Variants in MS4A13 observed in about 807,000 individuals in gnomAD.
The protein encoded by MS4A13 is membrane-spanning 4-domains subfamily A member 13.
MS4A13 carries 21 observed loss-of-function variants against 18.4 expected under a neutral mutation model. That is an observed-to-expected ratio of 1.14 (90% CI 0.81 to 1.64). The LOEUF is 1.64. MS4A13 is among the 40% of genes most tolerant of loss of function. The probability of loss-of-function intolerance (pLI) is 0.00; values close to 1 mark genes in which losing one functional copy is unlikely to be tolerated. For synonymous variants in MS4A13, 62 were observed against 57.2 expected (o/e 1.08, Z -0.38); for missense variants, 173 against 176.8 (o/e 0.98, Z 0.12).
In MS4A13 at chr11:60,523,965, T is replaced by G; in HGVS notation, c.186+12T>G. 6.8e-7 allele frequency: 1 copy of G among 1,478,116 alleles called. No individual in the cohort carries two copies. The highest frequency in any genetic ancestry group is 1.1e-5 in the South Asian group (1 of 87,260). The allele number at this position is 1,478,116 out of a possible 1,614,324, so 91.6% of individuals were successfully genotyped here. ...CGACTCGATCTGGAGTAAGTTGAAA[T>G]GTTTGAGGTATCTCTAGAAATCACT... On this transcript the variant is annotated intron_variant, in intron 4 of 6. Transcript: ENST00000378186.
chr11:60,527,386 CTCTCTCTCTCTCTCTCTCTCTCTCTG>C (rs1412441792), intron 5 of MS4A13, among the ~76,000 whole-genome samples: 4 of 125,048 alleles, frequency 3.2e-5, no homozygotes, highest in African/African-American at 1.4e-4. Flanking sequence ...CTCTCTCTCT[CTCTCTCTCTCTCTCTCTCTCTCTCTG>C]TGTGTGTGTG....
intron 3 of MS4A13, among the ~76,000 whole-genome samples, chr11:60,520,044 G>A (rs79400764): frequency 1.4e-3 from 220 of 152,256 alleles, no homozygotes; most frequent in African/African-American, 5.1e-3. Context: ...AGAACCACAA[G>A]CCCAAGGTAT....
chr11:60,534,985 GAC>G (rs2086796131), intron 6 of MS4A13, among the ~76,000 whole-genome samples: 1 of 14,032 alleles, frequency 7.1e-5, no homozygotes, highest in African/African-American at 2.8e-4. Context: ...CGAGAACAAA[GAC>G]ACCACATACC....
At chr11:60,543,137 G>C (rs2086874286), downstream of MS4A13, among the ~76,000 whole-genome samples, 1 of 151,744 alleles carries the variant, frequency 6.6e-6, no homozygotes, top group Non-Finnish European at 1.5e-5. Context: ...CTTTCCCCTT[G>C]CTTCTTTCTT....
chr11:60,521,150 G>A (rs918713625), intron 3 of MS4A13, among the ~76,000 whole-genome samples: 12 of 152,230 alleles, frequency 7.9e-5, no homozygotes, highest in Non-Finnish European at 1.5e-4. Context: ...GGGGCCCTGG[G>A]CCCGGCCCAT....
rs1162980039 is a variant in MS4A13, at chr11:60,522,197, C to CAGAT, written c.130-1659_130-1656dup. ...AGCCAAACCATATCAAAAGATCAGA[C>CAGAT]AGATAGATAGATAGATAGATAGATA... is the stretch of plus-strand genomic sequence containing the variant. On this transcript the variant is annotated intron_variant, in intron 3 of 6. Transcript: ENST00000378186. 8.6e-3 allele frequency among the ~76,000 whole-genome samples: 1,118 copies of CAGAT among 129,826 alleles called. 22 individuals are homozygous for CAGAT. The highest frequency in any genetic ancestry group is 0.029 in the African/African-American group (1,031 of 35,858). 85.2% of individuals were successfully genotyped at this position (129,826 alleles called of 152,430 possible).
Position 60,515,421 on chromosome 11 carries a change from C to G in MS4A13, c.-315C>G, listed in dbSNP as rs910748892. On this transcript the variant is annotated 5_prime_UTR_variant, in exon 1 of 7. Coordinates refer to ENST00000378186, the MANE Select transcript of MS4A13 (RefSeq NM_001012417.3). ...CTCCCTGAGGAGCCTGAGAGCCGGC[C>G]GGGTGCTGGGCTCCTGGCTATCCCT... 6.6e-6 allele frequency: 1 copy of G among 152,322 alleles called. No individual in the cohort carries two copies. Among genetic ancestry groups the G allele is most frequent in the African/African-American group, 2.4e-5 (1 of 41,474 alleles). The allele number at this position is 152,322 out of a possible 1,614,324, so 9.4% of individuals were successfully genotyped here. A position where few individuals can be genotyped will look rare whatever the true frequency, so the allele number is the denominator to read the frequency against.
chr11:60,529,958 T>C (rs2086752499), intron 6 of MS4A13, among the ~76,000 whole-genome samples: 1 of 152,218 alleles, frequency 6.6e-6, no homozygotes, highest in Non-Finnish European at 1.5e-5. Context: ...TAAACAATGA[T>C]GCAGTGAACA....
chr11:60,523,828 T>A, intron 3 of MS4A13, 69 bp from the exon 4 acceptor site: 1 of 893,862 alleles, frequency 1.1e-6, no homozygotes, highest in Non-Finnish European at 1.8e-6. Context: ...TACAAGAGAG[T>A]TATTAAAAGT....
chr11:60,529,295 C>G, intron 5 of MS4A13, 70 bp from the exon 6 acceptor site: 1 of 409,254 alleles, frequency 2.4e-6, no homozygotes, highest in East Asian at 4.7e-5. Flanking sequence ...ACCAGTAGCT[C>G]CTTCCATGAT....
At chr11:60,527,408 C>CTGTGTGTGTGTGTGTGTG (rs1275890708) in intron 5 of MS4A13, among the ~76,000 whole-genome samples, 7 of 35,546 alleles carry the variant, frequency 2.0e-4, no homozygotes, top group Non-Finnish European at 1.6e-4. Flanking sequence ...CTCTCTCTCT[C>CTGTGTGTGTGTGTGTGTG]TCTGTGTGTG....
At position 60,522,235 on chromosome 11, in the gene MS4A13, G is replaced by GATGTATATATATATATCT. The variant is rs1231071278; in HGVS notation, c.130-1660_130-1659insGTATATATATATATCTAT. On this transcript the variant is annotated intron_variant, in intron 3 of 6. Coordinates refer to ENST00000378186, the MANE Select transcript of MS4A13 (RefSeq NM_001012417.3). ...AGATAGATAGATAGATAGATAGATA[G>GATGTATATATATATATCT]ATAGATGTATATATATAGATATATA... Among the ~76,000 whole-genome samples, 366 of 112,174 alleles carry GATGTATATATATATATCT rather than the reference G, an allele frequency of 3.3e-3. 1 individual carries two copies. Among genetic ancestry groups the GATGTATATATATATATCT allele is most frequent in the African/African-American group, 9.7e-3 (249 of 25,800 alleles). 73.6% of individuals were successfully genotyped at this position (112,174 alleles called of 152,430 possible). A position where few individuals can be genotyped will look rare whatever the true frequency, so the allele number is the denominator to read the frequency against.
intron 2 of MS4A13, among the ~76,000 whole-genome samples, chr11:60,517,245 AT>A (rs1039489557): frequency 4.6e-5 from 7 of 152,106 alleles, no homozygotes; most frequent in African/African-American, 1.7e-4. Flanking sequence ...GCACTTATAT[AT>A]TTCATAGACT....
chr11:60,520,449 T>C (rs925288160), intron 3 of MS4A13, among the ~76,000 whole-genome samples: 3 of 152,216 alleles, frequency 2.0e-5, no homozygotes, highest in Non-Finnish European at 4.4e-5. Flanking sequence ...ACTTCCTAGA[T>C]ACAATGGGGG....
At chr11:60,531,127 C>G (rs1454884528) in intron 6 of MS4A13, among the ~76,000 whole-genome samples, 1 of 152,126 alleles carries the variant, frequency 6.6e-6, no homozygotes, top group Non-Finnish European at 1.5e-5. Context: ...ACTGTGAGGC[C>G]CAGCAGCCTC....
rs749696694 is a variant in MS4A13 at position 60,542,486 on chromosome 11, G to T, written c.403-33G>T. On this transcript the variant is annotated intron_variant, in intron 6 of 6. Coordinates refer to ENST00000378186, the MANE Select transcript of MS4A13 (RefSeq NM_001012417.3). Reference sequence around the variant, plus strand: ...TTAGTTGTATAATATTAAGAAACATGATATGATTTGTAAGAGGTTACTTTT... The same window carrying T: ...TTAGTTGTATAATATTAAGAAACATTATATGATTTGTAAGAGGTTACTTTT... 28 of 1,461,254 alleles carry T rather than the reference G, an allele frequency of 1.9e-5. No individual in the cohort carries two copies. The Admixed American group carries it at 4.9e-4, about 26-fold the overall frequency. The allele number at this position is 1,461,254 out of a possible 1,614,324, so 90.5% of individuals were successfully genotyped here.
At chr11:60,538,193 G>A (rs867907051) in intron 6 of MS4A13, among the ~76,000 whole-genome samples, 24 of 107,696 alleles carry the variant, frequency 2.2e-4, no homozygotes, top group Admixed American at 3.8e-4. Context: ...AAAAAAAAAC[G>A]AAAAAAAAAA....
At position 60,518,566 on chromosome 11, in the gene MS4A13, C is replaced by T. The variant is rs77625128; in HGVS notation, c.129+354C>T. Among the ~76,000 whole-genome samples the T allele has an allele frequency of 7.1e-4, 108 of 152,260 alleles. No homozygotes were observed. The East Asian group carries it at 0.01, about 15-fold the overall frequency. On this transcript the variant is annotated intron_variant, in intron 3 of 6. Transcript: ENST00000378186. ...AGTCTCCTCACCCAATGAGTCAGTA[C>T]TCATTTTCTAAATTTTTCATTACTA...
intron 2 of MS4A13, among the ~76,000 whole-genome samples, chr11:60,516,687 G>C (rs111471689): frequency 1.3e-5 from 2 of 152,080 alleles, no homozygotes; most frequent in African/African-American, 4.8e-5. Context: ...CTGGGGGCAG[G>C]GGGTAGGCGG....
Sources: gnomAD v4.1 joint callset for allele counts (sites outside exome capture counted in the v4.1 genomes callset) on GRCh38, gnomAD v4.1.1 for gene constraint, MANE v1.5 for transcripts, NCBI Gene and HGNC (gene_info 2026-07-23, HGNC 2026-07-21) for gene names.